The following SLC25A26 variants were observed in gnomAD, a reference collection of about 807,000 sequenced individuals.
The protein encoded by SLC25A26 is solute carrier family 25 member 26, also known as mitochondrial S-adenosylmethionine carrier protein.
Under a neutral mutation model 37.8 loss-of-function variants are expected in SLC25A26, and 36 were observed. The observed-to-expected ratio is 0.95, with a 90% CI of 0.73 to 1.26. The LOEUF (loss-of-function observed/expected upper bound fraction) is 1.26, where lower values mean the gene tolerates loss of function less well. Ranked by LOEUF, SLC25A26 falls within the 50% of genes most tolerant of loss-of-function variation. The pLI is 0.00. For synonymous variants in SLC25A26, 129 were observed against 122.5 expected, an observed-to-expected ratio of 1.05 and a Z score of -0.35; for missense variants, 390 against 331.1, an observed-to-expected ratio of 1.18 and a Z score of -1.38.
chr3:66,246,253 A>T (rs1310845602), intron 3 of SLC25A26, among the ~76,000 whole-genome samples: 2 of 152,184 alleles, frequency 1.3e-5, no homozygotes, highest in African/African-American at 4.8e-5. Context: ...TACATTGTTG[A>T]GAGCAAGCAA....
chr3:66,376,912 A>AT (rs1187712141), intron 9 of SLC25A26, among the ~76,000 whole-genome samples: 4 of 152,012 alleles, frequency 2.6e-5, no homozygotes, highest in Non-Finnish European at 5.9e-5. Context: ...CTGTTTTGTA[A>AT]TTTTTTTATG....
intron 1 of SLC25A26, among the ~76,000 whole-genome samples, chr3:66,208,972 G>GTATATA (rs1417828057): frequency 0.014 from 1,072 of 75,768 alleles, 32 homozygotes; most frequent in African/African-American, 0.019. Flanking sequence ...ATATAAAGGT[G>GTATATA]TGTATATATA....
At chr3:66,338,525 G>A (rs1030659109) in intron 5 of SLC25A26, among the ~76,000 whole-genome samples, 3 of 151,806 alleles carry the variant, frequency 2.0e-5, no homozygotes, top group African/African-American at 7.3e-5. Flanking sequence ...TTTTTATATC[G>A]TGGTAAAATT....
intron 7 of SLC25A26, 140 bp from the exon 8 acceptor site, chr3:66,369,338 T>C (rs1169518763): frequency 1.5e-6 from 1 of 670,208 alleles, no homozygotes; most frequent in Admixed American, 2.4e-5. Context: ...GGATAAAGAT[T>C]GTGCATGTGT....
intron 1 of SLC25A26, among the ~76,000 whole-genome samples, chr3:66,173,925 T>G (rs975475793): frequency 2.0e-5 from 3 of 151,930 alleles, no homozygotes; most frequent in African/African-American, 4.8e-5. Flanking sequence ...TGGTGGCGCA[T>G]GCCTGTAATC....
intron 1 of SLC25A26, among the ~76,000 whole-genome samples, chr3:66,142,964 A>T (rs1246783597): frequency 6.6e-6 from 1 of 151,948 alleles, no homozygotes; most frequent in Non-Finnish European, 1.5e-5. Context: ...ATGGGATCTC[A>T]CTATGTTGAC....
At chr3:66,339,279 A>C (rs2076154494) in intron 5 of SLC25A26, among the ~76,000 whole-genome samples, 1 of 151,928 alleles carries the variant, frequency 6.6e-6, no homozygotes, top group Non-Finnish European at 1.5e-5. Flanking sequence ...CTTTCTTTTT[A>C]TTGTTGAGGT....
chr3:66,352,015 T>C (rs951450770), intron 6 of SLC25A26, among the ~76,000 whole-genome samples: 4 of 152,054 alleles, frequency 2.6e-5, no homozygotes, highest in Non-Finnish European at 4.4e-5. Context: ...TTGAGAGGCA[T>C]AGGCTGGAAG....
At position 66,371,341 on chromosome 3, in the gene SLC25A26, T is replaced by C. The variant is rs555404828; in HGVS notation, c.707+739T>C. ...TCCTGATGCCGAGTTGGATCACTTA[T>C]GTGATTGTAGTTTTTGTGTACCTTT... On this transcript the variant is annotated intron_variant, in intron 9 of 9. Transcript: ENST00000354883. The C allele has an allele frequency of 2.8e-5, 44 of 1,547,080 alleles. No individual in the cohort carries two copies. The East Asian group carries it at 4.7e-4, about 16-fold the overall frequency.
At chr3:66,362,976 A>G in intron 7 of SLC25A26, 47 bp downstream of exon 7, 1 of 1,268,106 alleles carries the variant, frequency 7.9e-7, no homozygotes, top group Non-Finnish European at 1.1e-6. Context: ...AGGGGGAAAA[A>G]TGTGAAAATA....
At chr3:66,377,598 C>T (rs1315848046) in intron 9 of SLC25A26, 92 bp from the exon 10 acceptor site, 1 of 930,100 alleles carries the variant, frequency 1.1e-6, no homozygotes, top group Non-Finnish European at 1.7e-6. Context: ...CACTAATGAG[C>T]ATGGTGTATT....
At chr3:66,166,916 G>T (rs1255107928) in intron 1 of SLC25A26, among the ~76,000 whole-genome samples, 1 of 152,108 alleles carries the variant, frequency 6.6e-6, no homozygotes, top group Non-Finnish European at 1.5e-5. Flanking sequence ...GAATCATGGG[G>T]GCGGGTATTT....
chr3:66,361,233 A>T (rs1386324302), intron 6 of SLC25A26, among the ~76,000 whole-genome samples: 1 of 152,234 alleles, frequency 6.6e-6, no homozygotes, highest in Non-Finnish European at 1.5e-5. Context: ...TGTACCATAT[A>T]TAAAAATTAA....
intron 5 of SLC25A26, among the ~76,000 whole-genome samples, chr3:66,294,885 G>C (rs1463350904): frequency 6.6e-6 from 1 of 152,078 alleles, no homozygotes; most frequent in Non-Finnish European, 1.5e-5. Context: ...TTTGCTTTTG[G>C]CTCTTAGTTG....
chr3:66,236,253 G>C (rs36197639), intron 1 of SLC25A26, among the ~76,000 whole-genome samples: 6 of 128,584 alleles, frequency 4.7e-5, no homozygotes, highest in Non-Finnish European at 9.6e-5. Context: ...AACCATGTGA[G>C]TACTATATTA....
chr3:66,267,136 G>A (rs2073784737), intron 5 of SLC25A26, among the ~76,000 whole-genome samples: 1 of 152,154 alleles, frequency 6.6e-6, no homozygotes, highest in Non-Finnish European at 1.5e-5. Context: ...AGTGTCATAA[G>A]CACTGTAATG....
At chr3:66,271,427 G>C (rs958776519) in intron 5 of SLC25A26, among the ~76,000 whole-genome samples, 3 of 152,092 alleles carry the variant, frequency 2.0e-5, no homozygotes, top group Admixed American at 6.6e-5. Context: ...TCACAAAATG[G>C]CTGTTCTGCT....
At chr3:66,265,422 G>A (rs2073706749) in intron 5 of SLC25A26, among the ~76,000 whole-genome samples, 1 of 152,228 alleles carries the variant, frequency 6.6e-6, no homozygotes, top group African/African-American at 2.4e-5. Context: ...TCAGATAGGT[G>A]AGATATAAGA....
chr3:66,251,682 G>A (rs35967569), intron 3 of SLC25A26, among the ~76,000 whole-genome samples: 6,969 of 152,206 alleles, frequency 0.046, 346 homozygotes, highest in Admixed American at 0.14. Flanking sequence ...TATAGTACAG[G>A]CATGAATGTG....
Sources: gnomAD v4.1 joint callset for allele counts (sites outside exome capture counted in the v4.1 genomes callset) on GRCh38, gnomAD v4.1.1 for gene constraint, MANE v1.5 for transcripts, NCBI Gene and HGNC (gene_info 2026-07-23, HGNC 2026-07-21) for gene names.